EXOC6B: variants seen among roughly 807,000 people sequenced by gnomAD.
EXOC6B encodes SEC15 homolog B.
In EXOC6B, 54 loss-of-function variants were observed where a neutral mutation model predicts 113.5. The observed-to-expected ratio is 0.48, with a 90% CI of 0.38 to 0.60. The LOEUF (loss-of-function observed/expected upper bound fraction) is 0.60, where lower values mean the gene tolerates loss of function less well. Ranked by LOEUF, EXOC6B falls within the 20% of genes least tolerant of loss-of-function variation. The probability of loss-of-function intolerance (pLI) is 0.00; values close to 1 mark genes in which losing one functional copy is unlikely to be tolerated. For missense variants in EXOC6B, 797 were observed against 977.5 expected, an observed-to-expected ratio of 0.82 and a Z score of 2.46; for synonymous variants, 357 against 339.0, an observed-to-expected ratio of 1.05 and a Z score of -0.58.
intron 6 of EXOC6B, among the ~76,000 whole-genome samples, chr2:72,648,975 C>G (rs528663493): frequency 6.6e-6 from 1 of 152,132 alleles, no homozygotes; most frequent in Admixed American, 6.6e-5. Context: ...ACCCCTGTCT[C>G]TACAAAAATT....
At chr2:72,778,332 T>C (rs1029949445) in intron 1 of EXOC6B, among the ~76,000 whole-genome samples, 1 of 152,128 alleles carries the variant, frequency 6.6e-6, no homozygotes, top group South Asian at 2.1e-4. Context: ...AAAGATTAAC[T>C]GAACAAACCA....
rs1195925439 is a variant in EXOC6B at position 72,263,893 on chromosome 2, A to G, written c.2196+71054T>C. Reference sequence around the variant, plus strand: ...TCTTTCAGCTTCTGCTACAGGCACTATAGTAAAGCATTCTGACAGCCAGCC... The same window carrying G: ...TCTTTCAGCTTCTGCTACAGGCACTGTAGTAAAGCATTCTGACAGCCAGCC... On this transcript the variant is annotated intron_variant, in intron 20 of 21. Transcript: ENST00000272427. Among the ~76,000 whole-genome samples the G allele has an allele frequency of 3.3e-5, 5 of 152,300 alleles. No individual in the cohort carries two copies. The East Asian group carries it at 9.6e-4, about 29-fold the overall frequency.
At chr2:72,542,432 G>T (rs1368525037) in intron 8 of EXOC6B, among the ~76,000 whole-genome samples, 1 of 152,168 alleles carries the variant, frequency 6.6e-6, no homozygotes, top group Non-Finnish European at 1.5e-5. Context: ...GGAGTTTCTA[G>T]CATTTCACCT....
At chr2:72,216,883 A>G (rs1680568416) in intron 20 of EXOC6B, among the ~76,000 whole-genome samples, 1 of 151,974 alleles carries the variant, frequency 6.6e-6, no homozygotes, top group South Asian at 2.1e-4. Context: ...GGGGAACAAA[A>G]CACACCGGGG....
At chr2:72,769,103 A>G (rs1683267027) in intron 1 of EXOC6B, among the ~76,000 whole-genome samples, 1 of 152,052 alleles carries the variant, frequency 6.6e-6, no homozygotes, top group Non-Finnish European at 1.5e-5. Context: ...TTAAAATGGT[A>G]AAGTATATGT....
At position 72,496,947 on chromosome 2, in the gene EXOC6B, A is replaced by ACAT. The variant is rs1403249914; in HGVS notation, c.1338-391_1338-389dup. 2.4e-4 allele frequency among the ~76,000 whole-genome samples: 27 copies of ACAT among 114,440 alleles called. 3 individuals are homozygous for ACAT. The highest frequency in any genetic ancestry group is 1.8e-3 in the Admixed American group (18 of 9,898). The allele number at this position is 114,440 out of a possible 152,430, so 75.1% of individuals were successfully genotyped here. A position where few individuals can be genotyped will look rare whatever the true frequency, so the allele number is the denominator to read the frequency against. On this transcript the variant is annotated intron_variant, in intron 13 of 21. Coordinates refer to ENST00000272427, the MANE Select transcript of EXOC6B (RefSeq NM_015189.3). ...TTGGTTTAATATGATATATAAATGT[A>ACAT]CATTATTATTATTATTATTATTATT...
chr2:72,308,235 A>G (rs949538066), intron 20 of EXOC6B, among the ~76,000 whole-genome samples: 4 of 152,202 alleles, frequency 2.6e-5, no homozygotes, highest in African/African-American at 7.2e-5. Flanking sequence ...CATATGCCCA[A>G]CCAGAACTAT....
At chr2:72,560,280 A>C (rs1703820006) in intron 7 of EXOC6B, among the ~76,000 whole-genome samples, 1 of 152,140 alleles carries the variant, frequency 6.6e-6, no homozygotes. Context: ...AGTTGAAAAA[A>C]AAATCAGCTG....
intron 5 of EXOC6B, among the ~76,000 whole-genome samples, chr2:72,722,856 G>A (rs1558949906): frequency 6.6e-6 from 1 of 152,148 alleles, no homozygotes; most frequent in Admixed American, 6.5e-5. Context: ...GCAGACGCAA[G>A]GCACATTCAC....
chr2:72,244,194 A>G (rs7565358), intron 20 of EXOC6B, among the ~76,000 whole-genome samples: 36,508 of 152,106 alleles, frequency 0.24, 7,848 homozygotes, highest in African/African-American at 0.58. Flanking sequence ...GAAATGATAC[A>G]AAGTGTGCTC....
intron 6 of EXOC6B, among the ~76,000 whole-genome samples, chr2:72,642,824 G>A (rs1673366497): frequency 6.6e-6 from 1 of 151,630 alleles, no homozygotes; most frequent in South Asian, 2.1e-4. Context: ...AGAGTGAACA[G>A]GCAACCTACA....
chr2:72,246,064 T>C (rs924803680), intron 20 of EXOC6B, among the ~76,000 whole-genome samples: 8 of 152,222 alleles, frequency 5.3e-5, no homozygotes, highest in Non-Finnish European at 1.5e-5. Flanking sequence ...TATTTTACTT[T>C]TTTACATAGG....
At chr2:72,312,400 G>C (rs543077371) in intron 20 of EXOC6B, among the ~76,000 whole-genome samples, 21 of 151,802 alleles carry the variant, frequency 1.4e-4, no homozygotes, top group African/African-American at 5.1e-4. Flanking sequence ...TGGATCCTGC[G>C]TCATAAGCTG....
At chr2:72,698,597 C>T (rs1678060770) in intron 6 of EXOC6B, among the ~76,000 whole-genome samples, 3 of 151,566 alleles carry the variant, frequency 2.0e-5, no homozygotes, top group Admixed American at 2.0e-4. Context: ...AACTGTACAA[C>T]AGAAATAAGG....
intron 17 of EXOC6B, among the ~76,000 whole-genome samples, chr2:72,476,034 T>C (rs1362770792): frequency 6.6e-6 from 1 of 152,192 alleles, no homozygotes; most frequent in Non-Finnish European, 1.5e-5. Context: ...GGCTCTAAGA[T>C]GGCGGCTTGC....
At chr2:72,382,107 AT>A (rs1251365619) in intron 18 of EXOC6B, among the ~76,000 whole-genome samples, 1 of 152,212 alleles carries the variant, frequency 6.6e-6, no homozygotes, top group Non-Finnish European at 1.5e-5. Flanking sequence ...GCAAAAACAA[AT>A]TCTAAAGAGA....
intron 1 of EXOC6B, among the ~76,000 whole-genome samples, chr2:72,811,432 T>C (rs978374537): frequency 1.3e-5 from 2 of 152,162 alleles, no homozygotes; most frequent in Non-Finnish European, 2.9e-5. Context: ...TCAATTGAAT[T>C]TGCAATTTAA....
chr2:72,334,659 CA>C (rs1384477568), intron 20 of EXOC6B, among the ~76,000 whole-genome samples: 1 of 152,138 alleles, frequency 6.6e-6, no homozygotes, highest in Non-Finnish European at 1.5e-5. Flanking sequence ...CAAAAGCCAA[CA>C]ACAGCACAAT....
chr2:72,725,230 A>G (rs1358266766), intron 5 of EXOC6B, among the ~76,000 whole-genome samples: 1 of 152,228 alleles, frequency 6.6e-6, no homozygotes, highest in Non-Finnish European at 1.5e-5. Context: ...AAGGCTACTT[A>G]TACATCTCTC....
Sources: allele counts gnomAD v4.1 joint callset (sites outside exome capture counted in the v4.1 genomes callset), GRCh38; gene constraint gnomAD v4.1.1; transcripts MANE v1.5; gene names NCBI Gene and HGNC (gene_info 2026-07-23, HGNC 2026-07-21).